Variants in RNF145 observed in about 807,000 individuals in gnomAD.
RNF145 encodes ring finger protein 145.
Under a neutral mutation model 57.3 loss-of-function variants are expected in RNF145, and 12 were observed. The observed-to-expected ratio is 0.21, with a 90% CI of 0.13 to 0.34. The LOEUF is 0.34. Ranked by LOEUF, RNF145 falls within the 10% of genes least tolerant of loss-of-function variation. The pLI, the probability that RNF145 is intolerant of heterozygous loss-of-function variation, is 1.00. For missense variants in RNF145, 429 were observed against 799.0 expected, an observed-to-expected ratio of 0.54 and a Z score of 5.58; for synonymous variants, 262 against 288.3, an observed-to-expected ratio of 0.91 and a Z score of 0.92.
In RNF145 at chr5:159,203,991, C is replaced by G. The variant is rs574485824; in HGVS notation, c.-39-335G>C. Among the ~76,000 whole-genome samples the G allele has an allele frequency of 2.9e-3, 444 of 152,334 alleles. 1 individual carries two copies. Among genetic ancestry groups the G allele is most frequent in the Non-Finnish European group, 5.3e-3 (358 of 68,028 alleles). On this transcript the variant is annotated intron_variant, in intron 1 of 10. Transcript: ENST00000424310. The stretch of plus-strand genomic sequence containing the variant: ...GTATAAAATTAACTTGAAAAATTCA[C>G]TCACTCCAATAAAACTATGATTTAT...
chr5:159,206,724 T>C (rs896931078), intron 1 of RNF145, among the ~76,000 whole-genome samples: 6 of 152,058 alleles, frequency 3.9e-5, no homozygotes, highest in Admixed American at 2.0e-4. Flanking sequence ...TAATACCAAA[T>C]AATCCTAGAA....
At chr5:159,199,257 A>G (rs1378996349) in intron 2 of RNF145, among the ~76,000 whole-genome samples, 1 of 152,186 alleles carries the variant, frequency 6.6e-6, no homozygotes, top group African/African-American at 2.4e-5. Flanking sequence ...AGCCCAAACT[A>G]CGTTCGGTCA....
At chr5:159,207,431 C>G in intron 1 of RNF145, 1 of 1,253,156 alleles carries the variant, frequency 8.0e-7, no homozygotes, top group Non-Finnish European at 1.1e-6. Context: ...TACAATACTT[C>G]TACACCTTCC....
chr5:159,198,315 A>G (rs1584706875), intron 2 of RNF145, among the ~76,000 whole-genome samples: 1 of 152,154 alleles, frequency 6.6e-6, no homozygotes, highest in South Asian at 2.1e-4. Flanking sequence ...CTCTGAGAAC[A>G]GAAAAAATAA....
intron 2 of RNF145, among the ~76,000 whole-genome samples, chr5:159,198,687 T>A (rs966018010): frequency 6.6e-6 from 1 of 152,186 alleles, no homozygotes; most frequent in South Asian, 2.1e-4. Context: ...GAAATGTCCA[T>A]AGGCTATTTA....
chr5:159,177,788 G>C (rs564199418), intron 4 of RNF145, among the ~76,000 whole-genome samples: 12 of 152,108 alleles, frequency 7.9e-5, no homozygotes, highest in African/African-American at 2.9e-4. Context: ...ACTTGCCATA[G>C]TGAGTATAAT....
At chr5:159,209,684 G>T, upstream of RNF145, 1 of 942,330 alleles carries the variant, frequency 1.1e-6, no homozygotes, top group Non-Finnish European at 1.4e-6. Context: ...CCTCCGGTGC[G>T]TGGGCGGGAG....
rs6880417 is a variant in RNF145 at position 159,163,742 on chromosome 5, G to A, written c.1122-663C>T. ...ACACTGTCTCTAAATTTTTGAGCCTGGCATTTGAGGTCCTCCACTCCTAAT... is the reference window on the plus strand; with the variant it reads ...ACACTGTCTCTAAATTTTTGAGCCTAGCATTTGAGGTCCTCCACTCCTAAT... On this transcript the variant is annotated intron_variant, in intron 8 of 10. Coordinates refer to ENST00000424310, the MANE Select transcript of RNF145 (RefSeq NM_001199383.2). Among the ~76,000 whole-genome samples the A allele has an allele frequency of 3.2e-3, 483 of 152,262 alleles. 3 individuals carry two copies. The highest frequency in any genetic ancestry group is 0.011 in the African/African-American group (459 of 41,556).
At chr5:159,186,916 G>T (rs1379757598) in intron 3 of RNF145, among the ~76,000 whole-genome samples, 1 of 152,104 alleles carries the variant, frequency 6.6e-6, no homozygotes, top group Non-Finnish European at 1.5e-5. Context: ...CCTGGAGGCG[G>T]AGGTTGCAGT....
At chr5:159,197,849 C>T (rs551947586) in intron 2 of RNF145, among the ~76,000 whole-genome samples, 2 of 152,202 alleles carry the variant, frequency 1.3e-5, no homozygotes, top group African/African-American at 2.4e-5. Flanking sequence ...CCCAGCTACT[C>T]GGGAGGCTGG....
chr5:159,173,945 T>A, intron 6 of RNF145, 38 bp downstream of exon 6: 1 of 1,366,554 alleles, frequency 7.3e-7, no homozygotes, highest in Non-Finnish European at 9.7e-7. Flanking sequence ...TTTCTCTTTC[T>A]AAGGTTATAT....
chr5:159,201,037 GAAA>G (rs920270339), intron 2 of RNF145, among the ~76,000 whole-genome samples: 2 of 152,122 alleles, frequency 1.3e-5, no homozygotes, highest in Non-Finnish European at 2.9e-5. Flanking sequence ...AAACCCTATG[GAAA>G]GTACTATCTG....
At chr5:159,188,348 C>A (rs1035127611) in intron 3 of RNF145, among the ~76,000 whole-genome samples, 4 of 151,502 alleles carry the variant, frequency 2.6e-5, no homozygotes, top group Non-Finnish European at 5.9e-5. Context: ...GAGCCGAAAT[C>A]GTGCCACTGC....
chr5:159,165,806 T>C (rs898585144), intron 8 of RNF145, among the ~76,000 whole-genome samples: 1 of 152,040 alleles, frequency 6.6e-6, no homozygotes, highest in Non-Finnish European at 1.5e-5. Context: ...TTCATACTGA[T>C]TTGTGGGTCA....
intron 1 of RNF145, 42 bp from the exon 2 acceptor site, chr5:159,203,698 C>T (rs1322083430): frequency 7.2e-7 from 1 of 1,388,322 alleles, no homozygotes; most frequent in Admixed American, 2.3e-5. Context: ...AAAAAGTCAA[C>T]ACAAATCGCT....
chr5:159,169,923 T>C, intron 6 of RNF145, 104 bp from the exon 7 acceptor site: 1 of 952,976 alleles, frequency 1.0e-6, no homozygotes, highest in South Asian at 2.1e-5. Context: ...TACTCATTAA[T>C]TAAAACATCC....
chr5:159,201,445 C>T (rs989563128), intron 2 of RNF145, among the ~76,000 whole-genome samples: 3 of 152,118 alleles, frequency 2.0e-5, no homozygotes, highest in African/African-American at 7.2e-5. Flanking sequence ...AAATGTCCAC[C>T]AATGGAGTAA....
intron 2 of RNF145, among the ~76,000 whole-genome samples, chr5:159,200,564 C>CA (rs1185758547): frequency 6.6e-6 from 1 of 151,978 alleles, no homozygotes; most frequent in East Asian, 1.9e-4. Context: ...AATAAACCCA[C>CA]AAAAATAGTA....
chr5:159,193,034 G>A (rs1281498335), intron 3 of RNF145, among the ~76,000 whole-genome samples: 1 of 152,226 alleles, frequency 6.6e-6, no homozygotes, highest in Non-Finnish European at 1.5e-5. Flanking sequence ...GGGGCTGGTG[G>A]TACTAGGATG....
Sources: allele counts gnomAD v4.1 joint callset (sites outside exome capture counted in the v4.1 genomes callset), GRCh38; gene constraint gnomAD v4.1.1; transcripts MANE v1.5; gene names NCBI Gene and HGNC (gene_info 2026-07-23, HGNC 2026-07-21).